CELA3B: variants seen among roughly 807,000 people sequenced by gnomAD.
CELA3B encodes the protein chymotrypsin like elastase 3B.
Under a neutral mutation model 37.2 loss-of-function variants are expected in CELA3B, and 34 were observed. The ratio of observed to expected loss-of-function variants is 0.91; its 90% CI spans 0.70 to 1.22. The LOEUF is 1.22. Ranked by LOEUF, CELA3B falls within the 50% of genes most tolerant of loss-of-function variation. CELA3B has a pLI of 0.00. For missense variants in CELA3B, 340 were observed against 363.1 expected (o/e 0.94, Z 0.52); for synonymous variants, 127 against 143.5 (o/e 0.89, Z 0.82).
chr1:21,995,374 G>A (rs1055431093), intron 4 of CELA3B, among the ~76,000 whole-genome samples: 1 of 150,838 alleles, frequency 6.6e-6, no homozygotes, highest in African/African-American at 2.5e-5. Flanking sequence ...TACTGACCTC[G>A]TGATCTGTCT....
intron 1 of CELA3B, among the ~76,000 whole-genome samples, chr1:21,977,392 T>G (rs1431889569): frequency 7.2e-5 from 11 of 152,078 alleles, no homozygotes; most frequent in Non-Finnish European, 1.3e-4. Context: ...TTTCCACTGT[T>G]CTGCTTACCA....
Position 21,986,789 on chromosome 1 carries a change from G to A in CELA3B, c.795+106G>A, listed in dbSNP as rs2152816863. 3 of 1,292,612 alleles carry A rather than the reference G, an allele frequency of 2.3e-6. No individual in the cohort carries two copies. The East Asian group carries it at 7.4e-5, about 32-fold the overall frequency. 80.1% of individuals were successfully genotyped at this position (1,292,612 alleles called of 1,614,324 possible). On this transcript the variant is annotated intron_variant, in intron 7 of 7. Coordinates refer to ENST00000337107, the MANE Select transcript of CELA3B (RefSeq NM_007352.4). ...GGGAGGGCCTGAAAGGATCCTAGAA[G>A]CTCAGTGGGGAAGGGCCCTTGGGGA...
rs1324348068 is a variant in CELA3B at position 21,978,449 on chromosome 1, T to C, written c.124T>C (p.Trp42Arg). The change falls in exon 2 of 8, where the codon TGG becomes CGG. Residue 42 changes from tryptophan (W) to arginine (R), a missense_variant. Trp to Arg is a moderately radical substitution (Grantham distance 101). Transcript: ENST00000337107. Reference sequence around the variant, plus strand: ...GGATGCGGTCCCCTACAGCTGGCCCTGGCAGGTAAGAGCAATAGCAGCTGC... The same window carrying C: ...GGATGCGGTCCCCTACAGCTGGCCCCGGCAGGTAAGAGCAATAGCAGCTGC... ...GEDAVPYSWP[W>R]QVSLQYEKSG... 6.2e-7 allele frequency: 1 copy of C among 1,614,090 alleles called. No homozygotes were observed. The highest frequency in any genetic ancestry group is 2.2e-5 in the East Asian group (1 of 44,872).
chr1:21,979,430 CTTTT>C (rs1557864001), intron 2 of CELA3B, among the ~76,000 whole-genome samples: 1 of 139,638 alleles, frequency 7.2e-6, no homozygotes, highest in Non-Finnish European at 1.5e-5. Context: ...TGCCATATTT[CTTTT>C]TTTCTTTTCT....
At chr1:21,997,453 C>A (rs1458207772) in intron 4 of CELA3B, among the ~76,000 whole-genome samples, 1 of 149,906 alleles carries the variant, frequency 6.7e-6, no homozygotes, top group Admixed American at 6.7e-5. Context: ...TTTGGGAGGC[C>A]AAGGTGGGTG....
chr1:21,988,725 A>C (rs1412716480), intron 7 of CELA3B, among the ~76,000 whole-genome samples: 1 of 151,590 alleles, frequency 6.6e-6, no homozygotes, highest in Admixed American at 6.6e-5. Context: ...CCCTGTCTCT[A>C]CTAAAAATAC....
Position 21,978,446 on chromosome 1 carries a change from C to T in CELA3B, c.121C>T (p.Pro41Ser), listed in dbSNP as rs1351541868. The change falls in exon 2 of 8, where the codon CCC (proline) becomes TCC (serine). Residue 41 changes from proline to serine, a missense_variant. Pro to Ser is a moderately conservative substitution (Grantham distance 74). Transcript: ENST00000337107. ...TGAGGATGCGGTCCCCTACAGCTGG[C>T]CCTGGCAGGTAAGAGCAATAGCAGC... ...NGEDAVPYSW[P>S]WQVSLQYEKS... is the part of the protein sequence containing the mutation. 2 of 1,613,956 alleles carry T rather than the reference C, an allele frequency of 1.2e-6. No individual in the cohort carries two copies. Among genetic ancestry groups the T allele is most frequent in the Non-Finnish European group, 1.7e-6 (2 of 1,179,936 alleles).
intron 6 of CELA3B, among the ~76,000 whole-genome samples, chr1:21,984,855 G>A (rs61777960): frequency 0.33 from 50,111 of 151,752 alleles, 10,590 homozygotes; most frequent in Middle Eastern, 0.62. Flanking sequence ...GCTGAGACAG[G>A]AGAATCACTA....
chr1:21,978,995 T>C (rs1484908038), intron 2 of CELA3B, among the ~76,000 whole-genome samples: 2 of 150,914 alleles, frequency 1.3e-5, no homozygotes, highest in African/African-American at 4.9e-5. Flanking sequence ...TGCAGTGAGA[T>C]GAGATCGCAC....
chr1:21,998,401 G>A lies in CELA3B; in HGVS notation c.*212G>A, dbSNP rs1401639532. On this transcript the variant is annotated 3_prime_UTR_variant, in exon 5 of 5. Transcript: ENST00000400277. ...AAACCCCCCGCCCCATGGGGGCTCCGTTCTAGTGGGTCCATTTATCATCAA... is the reference window on the plus strand; with the variant it reads ...AAACCCCCCGCCCCATGGGGGCTCCATTCTAGTGGGTCCATTTATCATCAA... 6.4e-5 allele frequency: 21 copies of A among 327,840 alleles called. 1 individual carries two copies. Among genetic ancestry groups the A allele is most frequent in the South Asian group, 4.4e-4 (16 of 36,718 alleles). 20.3% of individuals were successfully genotyped at this position (327,840 alleles called of 1,614,324 possible). A position where few individuals can be genotyped will look rare whatever the true frequency, so the allele number is the denominator to read the frequency against.
intron 4 of CELA3B, among the ~76,000 whole-genome samples, chr1:21,982,058 CT>C (rs1269150797): frequency 6.6e-6 from 1 of 152,106 alleles, no homozygotes; most frequent in Non-Finnish European, 1.5e-5. Flanking sequence ...GTGGCTAAGA[CT>C]TTTTTCTCAG....
At chr1:21,995,392 C>T (rs548288007) in intron 4 of CELA3B, among the ~76,000 whole-genome samples, 1 of 151,092 alleles carries the variant, frequency 6.6e-6, no homozygotes, top group East Asian at 2.0e-4. Flanking sequence ...TCTGCCTCGG[C>T]CTCACAAAGT....
At chr1:21,989,609 C>A (rs552227254), downstream of CELA3B, among the ~76,000 whole-genome samples, 591 of 148,754 alleles carry the variant, frequency 4.0e-3, 10 homozygotes, top group Non-Finnish European at 7.3e-3. Context: ...AAGTTGGTCG[C>A]CTTAGTATAT....
chr1:21,986,514 C>T lies in CELA3B; in HGVS notation c.643-17C>T, dbSNP rs1644839532. 8.7e-6 allele frequency: 14 copies of T among 1,612,840 alleles called. No individual in the cohort carries two copies. The highest frequency in any genetic ancestry group is 1.3e-5 in the African/African-American group (1 of 74,820). ...TCAGACATGGCTCAGCCACCCACAC[C>T]TCTCTGACGGTTCCAGGGTGACTCT... is the stretch of plus-strand genomic sequence containing the variant. On this transcript the variant is annotated splice_polypyrimidine_tract_variant and intron_variant, in intron 6 of 7. Transcript: ENST00000337107.
chr1:21,981,243 G>C (rs2152815833), intron 4 of CELA3B, 71 bp downstream of exon 4: 3 of 1,486,792 alleles, frequency 2.0e-6, no homozygotes, highest in East Asian at 2.4e-5. Context: ...AGCCAAGTCT[G>C]AGTAGGTTCC....
rs547840696 is a variant in CELA3B at position 21,997,135 on chromosome 1, A to C, written c.505-1016A>C. On this transcript the variant is annotated intron_variant, in intron 4 of 4. Transcript: ENST00000400277. Reference sequence around the variant, plus strand: ...GGCATTTTGGGAGGCTGAGGCGGGCAGATCATTTGAAGTCAGGAGTTTGAG... The same window carrying C: ...GGCATTTTGGGAGGCTGAGGCGGGCCGATCATTTGAAGTCAGGAGTTTGAG... Among the ~76,000 whole-genome samples, 86 of 146,804 alleles carry C rather than the reference A, an allele frequency of 5.9e-4. 3 individuals are homozygous for C. The highest frequency in any genetic ancestry group is 1.1e-3 in the Non-Finnish European group (75 of 66,646).
chr1:21,986,465 A>G, intron 6 of CELA3B, 66 bp from the exon 7 acceptor site: 2 of 1,581,634 alleles, frequency 1.3e-6, no homozygotes, highest in Non-Finnish European at 1.7e-6. Context: ...AAATCCCTAG[A>G]ATTCAGAACC....
rs151043674 is a variant in CELA3B at position 21,994,895 on chromosome 1, G to A, written c.505-3256G>A. ...TGCGTGCCTGCAGTCCCAGCGACTC[G>A]GCAGGCTGAGGTGGGAGGATCGCCT... On this transcript the variant is annotated intron_variant, in intron 4 of 4. Transcript: ENST00000400277. Among the ~76,000 whole-genome samples the A allele has an allele frequency of 4.5e-3, 668 of 148,858 alleles. 31 individuals are homozygous for A. In the East Asian group the frequency reaches 0.078, roughly 17 times the overall value.
intron 4 of CELA3B, among the ~76,000 whole-genome samples, chr1:21,981,629 G>T (rs1644805018): frequency 6.6e-6 from 1 of 151,966 alleles, no homozygotes; most frequent in South Asian, 2.1e-4. Context: ...CTGGGCCTTA[G>T]TTTTGCCATT....
Sources: allele counts gnomAD v4.1 joint callset (sites outside exome capture counted in the v4.1 genomes callset), GRCh38; gene constraint gnomAD v4.1.1; transcripts MANE v1.5; gene names NCBI Gene and HGNC (gene_info 2026-07-23, HGNC 2026-07-21).